The following AKAP11 variants were observed in gnomAD, a reference collection of about 807,000 sequenced individuals.
AKAP11 encodes A-kinase anchoring protein 11.
In AKAP11, 36 loss-of-function variants were observed where a neutral mutation model predicts 146.1. The ratio of observed to expected loss-of-function variants is 0.25; its 90% CI spans 0.19 to 0.33. AKAP11 has a LOEUF of 0.33. AKAP11 is among the 10% of genes least tolerant of loss of function. The pLI, the probability that AKAP11 is intolerant of heterozygous loss-of-function variation, is 1.00. For synonymous variants in AKAP11, 780 were observed against 786.5 expected (o/e 0.99, Z 0.14); for missense variants, 2,201 against 2,197.0 (o/e 1.00, Z -0.04).
At position 42,308,597 on chromosome 13, in the gene AKAP11, A is replaced by G. The variant is rs1960400786; in HGVS notation, c.5261A>G (p.His1754Arg). ...CAAGATGAAAGCAGCAGTTTTCATC[A>G]TCTAAGTGAAAGGTAACTACACTTT... is the stretch of plus-strand genomic sequence containing the variant. ...EHQDESSSFH[H>R]LSESNGNSSS... Residue 1754 changes from histidine (H) to arginine (R), a missense_variant, in exon 9 of 13, where the codon CAT (histidine) becomes CGT (arginine). Physicochemically the swap from His to Arg is conservative, Grantham distance 29. Transcript: ENST00000025301. The G allele has an allele frequency of 6.2e-7, 1 of 1,612,134 alleles. No homozygotes were observed. Among genetic ancestry groups the G allele is most frequent in the African/African-American group, 1.3e-5 (1 of 75,014 alleles).
intron 1 of AKAP11, among the ~76,000 whole-genome samples, chr13:42,273,782 C>A (rs1032400204): frequency 3.3e-5 from 5 of 152,076 alleles, no homozygotes; most frequent in African/African-American, 1.2e-4. Context: ...GGAAAAAATA[C>A]GGTACTTTTA....
chr13:42,307,972 T>C (rs1484671062), intron 8 of AKAP11, among the ~76,000 whole-genome samples: 1 of 152,198 alleles, frequency 6.6e-6, no homozygotes, highest in African/African-American at 2.4e-5. Context: ...GGGGTTATGA[T>C]CTATGTTCAA....
intron 3 of AKAP11, among the ~76,000 whole-genome samples, chr13:42,287,919 A>G (rs1037811611): frequency 6.6e-6 from 1 of 152,214 alleles, no homozygotes; most frequent in Non-Finnish European, 1.5e-5. Context: ...CTGAAATTTC[A>G]TACTATTATT....
At position 42,303,174 on chromosome 13, in the gene AKAP11, T is replaced by G; in HGVS notation, c.4428T>G (p.Ser1476=). Residue 1476 remains serine (S), a synonymous_variant, in exon 8 of 13, where the codon TCT becomes TCG. Coordinates refer to ENST00000025301, the MANE Select transcript of AKAP11 (RefSeq NM_016248.4). ...ATGCTAAGGAAGAGTTGACAGCCTC[T>G]CTAGTTGGCCTACCAAAATCCTTAA... The part of the protein sequence containing the change: ...TKDAKEELTA[S]LVGLPKSLTD... 1 of 1,614,222 alleles carries G rather than the reference T, an allele frequency of 6.2e-7. No homozygotes were observed. Among genetic ancestry groups the G allele is most frequent in the Non-Finnish European group, 8.5e-7 (1 of 1,180,038 alleles).
At chr13:42,277,204 A>G (rs1459202510) in intron 1 of AKAP11, among the ~76,000 whole-genome samples, 4 of 152,236 alleles carry the variant, frequency 2.6e-5, no homozygotes, top group African/African-American at 7.2e-5. Flanking sequence ...ACAGATGCAC[A>G]CTCAATAGTG....
intron 12 of AKAP11, among the ~76,000 whole-genome samples, chr13:42,318,278 A>G (rs1288022849): frequency 6.6e-6 from 1 of 152,228 alleles, no homozygotes. Flanking sequence ...TTGGGGTGGT[A>G]GAAATATTCG....
chr13:42,271,592 CGAA>C (rs1958768851), upstream of AKAP11, among the ~76,000 whole-genome samples: 1 of 152,132 alleles, frequency 6.6e-6, no homozygotes, highest in South Asian at 2.1e-4. Flanking sequence ...AGCCTTGTGG[CGAA>C]GAAGGAGCCC....
At chr13:42,279,621 G>T (rs957932855) in intron 1 of AKAP11, among the ~76,000 whole-genome samples, 1 of 151,968 alleles carries the variant, frequency 6.6e-6, no homozygotes, top group Non-Finnish European at 1.5e-5. Context: ...GAACATATTT[G>T]TACTATAGTT....
At chr13:42,317,728 A>G (rs1303954574) in intron 12 of AKAP11, 40 bp downstream of exon 12, 2 of 1,591,762 alleles carry the variant, frequency 1.3e-6, no homozygotes, top group East Asian at 2.2e-5. Flanking sequence ...TACATTTAAC[A>G]GTATATGATG....
chr13:42,314,008 G>A, intron 11 of AKAP11, 68 bp downstream of exon 11: 1 of 1,501,796 alleles, frequency 6.7e-7, no homozygotes, highest in Non-Finnish European at 9.2e-7. Context: ...GAGTCTTTAT[G>A]CATTTTCATC....
At chr13:42,277,893 G>A (rs149786366) in intron 1 of AKAP11, among the ~76,000 whole-genome samples, 236 of 152,344 alleles carry the variant, frequency 1.5e-3, no homozygotes, top group African/African-American at 5.4e-3. Flanking sequence ...TTACAGTCCA[G>A]TGCAGGGCAT....
intron 3 of AKAP11, among the ~76,000 whole-genome samples, chr13:42,291,138 G>A (rs1378269774): frequency 6.6e-6 from 1 of 151,962 alleles, no homozygotes. Context: ...GATTGCAGCT[G>A]TTTGAGTTAA....
chr13:42,309,958 T>C (rs1960471520), intron 9 of AKAP11, among the ~76,000 whole-genome samples: 1 of 152,168 alleles, frequency 6.6e-6, no homozygotes. Context: ...AAAGGAGTCG[T>C]CTTACCGGTT....
At position 42,320,370 on chromosome 13, in the gene AKAP11, A is replaced by G. The variant is rs1594368708; in HGVS notation, c.*1142A>G. 7.4e-6 allele frequency: 1 copy of G among 134,514 alleles called. No individual in the cohort carries two copies. Among genetic ancestry groups the G allele is most frequent in the African/African-American group, 2.8e-5 (1 of 35,198 alleles). 8.3% of individuals were successfully genotyped at this position (134,514 alleles called of 1,614,324 possible). Reference sequence around the variant, plus strand: ...ACACTGTCTCGTCAAGTTCTCTGACACGATCTTTCTGGGCTCTACATTTCC... The same window carrying G: ...ACACTGTCTCGTCAAGTTCTCTGACGCGATCTTTCTGGGCTCTACATTTCC... On this transcript the variant is annotated 3_prime_UTR_variant, in exon 13 of 13. Coordinates refer to ENST00000025301, the MANE Select transcript of AKAP11 (RefSeq NM_016248.4).
At chr13:42,274,896 A>G (rs1456869155) in intron 1 of AKAP11, among the ~76,000 whole-genome samples, 2 of 152,242 alleles carry the variant, frequency 1.3e-5, no homozygotes, top group Non-Finnish European at 2.9e-5. Context: ...AGTCAGGTCT[A>G]TTAATTAAAT....
At chr13:42,313,653 A>G (rs1392477049) in intron 10 of AKAP11, among the ~76,000 whole-genome samples, 2 of 152,156 alleles carry the variant, frequency 1.3e-5, no homozygotes, top group South Asian at 2.1e-4. Context: ...ACATGGCACT[A>G]TGTATCATGG....
rs1958782578 is a variant in AKAP11, at chr13:42,272,152, A to T, written c.-176A>T. 6.6e-6 allele frequency: 1 copy of T among 152,380 alleles called. No individual in the cohort carries two copies. The highest frequency in any genetic ancestry group is 2.4e-5 in the African/African-American group (1 of 41,128). The allele number at this position is 152,380 out of a possible 1,614,324, so 9.4% of individuals were successfully genotyped here. ...CTGGGGGTCAGCGCGGGAGGGGGCC[A>T]GCTTGCTTGCCCGGCTCGCTCACGG... On this transcript the variant is annotated 5_prime_UTR_variant, in exon 1 of 13. Coordinates refer to ENST00000025301, the MANE Select transcript of AKAP11 (RefSeq NM_016248.4).
chr13:42,275,007 A>G (rs1958880198), intron 1 of AKAP11, among the ~76,000 whole-genome samples: 1 of 152,180 alleles, frequency 6.6e-6, no homozygotes, highest in Non-Finnish European at 1.5e-5. Context: ...TGGTTTGAGG[A>G]TTCTTTGATT....
rs1394107202 is a variant in AKAP11, at chr13:42,297,033, A to G, written c.217-15A>G. The G allele has an allele frequency of 6.3e-7, 1 of 1,589,464 alleles. No homozygotes were observed. Reference sequence around the variant, plus strand: ...TTACTCTACAGTGTTACTTATTGTTATTATTTTAAATCAGGATTTAGCTGC... The same window carrying G: ...TTACTCTACAGTGTTACTTATTGTTGTTATTTTAAATCAGGATTTAGCTGC... On this transcript the variant is annotated splice_polypyrimidine_tract_variant and intron_variant, in intron 5 of 12. Transcript: ENST00000025301.
Sources: gnomAD v4.1 joint callset for allele counts (sites outside exome capture counted in the v4.1 genomes callset) on GRCh38, gnomAD v4.1.1 for gene constraint, MANE v1.5 for transcripts, NCBI Gene and HGNC (gene_info 2026-07-23, HGNC 2026-07-21) for gene names.